SCLT1: variants seen among roughly 807,000 people sequenced by gnomAD.
SCLT1 encodes sodium channel-associated protein 1.
Under a neutral mutation model 112.8 loss-of-function variants are expected in SCLT1, and 78 were observed. That is an observed-to-expected ratio of 0.69 (90% CI 0.58 to 0.83). SCLT1 has a LOEUF of 0.83. Ranked by LOEUF, SCLT1 falls within the 40% of genes least tolerant of loss-of-function variation. The pLI is 0.00. For synonymous variants in SCLT1, 257 were observed against 254.7 expected (o/e 1.01, Z -0.09); for missense variants, 747 against 770.4 (o/e 0.97, Z 0.36).
At chr4:129,088,529 G>T (rs1320640923) in intron 1 of SCLT1, among the ~76,000 whole-genome samples, 1 of 152,162 alleles carries the variant, frequency 6.6e-6, no homozygotes, top group South Asian at 2.1e-4. Context: ...GCAATAAGGT[G>T]AGAAAAAGAA....
chr4:128,901,944 T>A (rs547659456), intron 18 of SCLT1, among the ~76,000 whole-genome samples: 1 of 152,020 alleles, frequency 6.6e-6, no homozygotes, highest in East Asian at 1.9e-4. Context: ...GAGATGGGGG[T>A]CTTGCTCTAT....
intron 4 of SCLT1, among the ~76,000 whole-genome samples, chr4:128,875,499 C>T (rs1370566075): frequency 2.0e-5 from 3 of 152,142 alleles, no homozygotes; most frequent in South Asian, 2.1e-4. Context: ...GTTGAAACAA[C>T]GTAGACTTCA....
At chr4:129,009,429 G>A (rs1434608480) in intron 5 of SCLT1, among the ~76,000 whole-genome samples, 1 of 151,856 alleles carries the variant, frequency 6.6e-6, no homozygotes, top group African/African-American at 2.4e-5. Context: ...CAGGAGAATG[G>A]TGTGAACCCA....
intron 2 of SCLT1, among the ~76,000 whole-genome samples, chr4:129,072,086 T>C (rs1414041573): frequency 6.6e-6 from 1 of 152,184 alleles, no homozygotes; most frequent in Non-Finnish European, 1.5e-5. Context: ...TTAGTTTAGC[T>C]AGATATAAAA....
At chr4:128,966,120 G>A (rs185030708) in intron 10 of SCLT1, among the ~76,000 whole-genome samples, 4,748 of 148,304 alleles carry the variant, frequency 0.032, 122 homozygotes, top group Admixed American at 0.059. Context: ...GTGAGCCACC[G>A]TGCTTGGCCA....
chr4:129,020,786 T>G (rs935049988), intron 5 of SCLT1, among the ~76,000 whole-genome samples: 16 of 152,242 alleles, frequency 1.1e-4, no homozygotes, highest in Non-Finnish European at 1.9e-4. Flanking sequence ...TATATGTATA[T>G]GTTTACATTT....
At chr4:129,019,764 T>G (rs577334562) in intron 5 of SCLT1, among the ~76,000 whole-genome samples, 4 of 151,906 alleles carry the variant, frequency 2.6e-5, no homozygotes, top group African/African-American at 9.7e-5. Context: ...TTGGTGAAAA[T>G]AGCCACACCA....
Position 128,891,640 on chromosome 4 carries a change from A to T in SCLT1, c.1830-503T>A, listed in dbSNP as rs570912909. On this transcript the variant is annotated intron_variant, in intron 18 of 20. Coordinates refer to ENST00000281142, the MANE Select transcript of SCLT1 (RefSeq NM_144643.4). ...AGCTACTGTGCTTCTTAGCTATAATATGCTTTTTTTTTTTTTTTTTTTGAG... is the reference window on the plus strand; with the variant it reads ...AGCTACTGTGCTTCTTAGCTATAATTTGCTTTTTTTTTTTTTTTTTTTGAG... 9.0e-5 allele frequency among the ~76,000 whole-genome samples: 13 copies of T among 144,346 alleles called. 1 individual carries two copies. In the South Asian group the frequency reaches 2.9e-3, roughly 32 times the overall value. The allele number at this position is 144,346 out of a possible 152,430, so 94.7% of individuals were successfully genotyped here.
Position 128,999,776 on chromosome 4 carries a change from C to T in SCLT1, c.445G>A (p.Glu149Lys). The part of the protein sequence containing the change: ...LANQEKTQAV[E>K]LWQTVSQELD... Reference sequence around the variant, plus strand: ...TCCTGAGAAACAGTCTGCCAGAGTTCCACAGCCTGAGTTTTTTCCTATTAA... The same window carrying T: ...TCCTGAGAAACAGTCTGCCAGAGTTTCACAGCCTGAGTTTTTTCCTATTAA... Residue 149 changes from glutamate to lysine, a missense_variant, in exon 7 of 21, where the codon GAA becomes AAA. By Grantham distance (56) the Glu-to-Lys change is moderately conservative. This residue lies in a region of SCLT1 where 723 missense variants were observed against 721.3 expected (regional missense o/e 1.00). Coordinates refer to ENST00000281142, the MANE Select transcript of SCLT1 (RefSeq NM_144643.4). 6.3e-7 allele frequency: 1 copy of T among 1,599,086 alleles called. No homozygotes were observed. The highest frequency in any genetic ancestry group is 8.5e-7 in the Non-Finnish European group (1 of 1,172,394).
At chr4:128,988,438 A>G (rs1742284025) in intron 9 of SCLT1, among the ~76,000 whole-genome samples, 1 of 151,970 alleles carries the variant, frequency 6.6e-6, no homozygotes, top group South Asian at 2.1e-4. Flanking sequence ...TGGTCATAGT[A>G]TTTGCAAGCC....
chr4:128,932,205 T>TTC (rs1736830461), intron 18 of SCLT1, among the ~76,000 whole-genome samples: 4 of 152,272 alleles, frequency 2.6e-5, no homozygotes, highest in Middle Eastern at 3.4e-3. Context: ...AAAATTTCCT[T>TTC]TCTAGAGTAC....
intron 20 of SCLT1, among the ~76,000 whole-genome samples, chr4:128,885,597 T>C (rs548494711): frequency 4.6e-5 from 7 of 152,210 alleles, no homozygotes; most frequent in Non-Finnish European, 1.0e-4. Flanking sequence ...ATTTGTATGG[T>C]TTTTAATCTT....
intron 5 of SCLT1, among the ~76,000 whole-genome samples, chr4:129,024,988 A>T (rs1745897931): frequency 6.6e-6 from 1 of 152,144 alleles, no homozygotes; most frequent in Admixed American, 6.5e-5. Flanking sequence ...GCGAGAAGGG[A>T]AGTTTAGAGA....
chr4:129,057,906 C>T (rs1463312219), intron 2 of SCLT1, among the ~76,000 whole-genome samples: 3 of 152,014 alleles, frequency 2.0e-5, no homozygotes, highest in Non-Finnish European at 4.4e-5. Flanking sequence ...CACCCACCAC[C>T]ACGCCTGGCT....
At chr4:128,958,474 G>A (rs747841979) in intron 12 of SCLT1, among the ~76,000 whole-genome samples, 4 of 152,156 alleles carry the variant, frequency 2.6e-5, no homozygotes, top group East Asian at 1.9e-4. Flanking sequence ...CTCTGTGAGC[G>A]TCTGTTGACT....
At chr4:128,968,041 A>G (rs751648354) in intron 10 of SCLT1, among the ~76,000 whole-genome samples, 14 of 152,152 alleles carry the variant, frequency 9.2e-5, no homozygotes, top group Non-Finnish European at 1.8e-4. Flanking sequence ...TTCTCTTCAT[A>G]ATTGGCTGTC....
intron 2 of SCLT1, among the ~76,000 whole-genome samples, chr4:129,077,432 T>G (rs1751562093): frequency 6.6e-6 from 1 of 152,242 alleles, no homozygotes; most frequent in South Asian, 2.1e-4. Context: ...GAACTACTTG[T>G]ATTTCCCAAG....
intron 11 of SCLT1, among the ~76,000 whole-genome samples, chr4:128,961,338 A>G (rs1458710863): frequency 6.6e-6 from 1 of 152,136 alleles, no homozygotes; most frequent in African/African-American, 2.4e-5. Context: ...GAATTTAAAT[A>G]CTCCTATTAT....
intron 9 of SCLT1, among the ~76,000 whole-genome samples, chr4:128,976,575 C>T (rs1741194175): frequency 6.6e-6 from 1 of 152,182 alleles, no homozygotes; most frequent in Non-Finnish European, 1.5e-5. Flanking sequence ...ATGATCATAT[C>T]TACCTTACCC....
Sources: gnomAD v4.1 joint callset for allele counts (sites outside exome capture counted in the v4.1 genomes callset) on GRCh38, gnomAD v4.1.1 for gene constraint, gnomAD v4.1.1 regional missense constraint, MANE v1.5 for transcripts, NCBI Gene and HGNC (gene_info 2026-07-23, HGNC 2026-07-21) for gene names.